Variants in PRSS48 observed in about 807,000 individuals in gnomAD.
PRSS48 encodes serine protease 48.
PRSS48 carries 21 observed loss-of-function variants against 25.6 expected under a neutral mutation model. The observed-to-expected ratio is 0.82, with a 90% CI of 0.58 to 1.18. The LOEUF (loss-of-function observed/expected upper bound fraction) is 1.18. PRSS48 is among the 50% of genes most tolerant of loss of function. The pLI is 0.00. For missense variants in PRSS48, 373 were observed against 399.3 expected (o/e 0.93, Z 0.56); for synonymous variants, 150 against 149.3 (o/e 1.00, Z -0.04).
At chr4:151,291,486 C>T (rs780893728), downstream of PRSS48, 3 of 1,398,348 alleles carry the variant, frequency 2.1e-6, no homozygotes, top group Admixed American at 2.4e-5. Flanking sequence ...CCCTGGGTGA[C>T]TTTATTTACA....
At chr4:151,283,063 G>A (rs2089625593) in intron 3 of PRSS48, 54 bp from the exon 4 acceptor site, 1 of 1,551,498 alleles carries the variant, frequency 6.4e-7, no homozygotes. Flanking sequence ...ACTGAATGCT[G>A]CCCCTGCACT....
intron 3 of PRSS48, 37 bp downstream of exon 3, chr4:151,282,450 C>G: frequency 6.2e-7 from 1 of 1,607,080 alleles, no homozygotes; most frequent in Middle Eastern, 1.7e-4. Flanking sequence ...TTTCATATGT[C>G]ATCCTCTTGT....
At chr4:151,281,033 A>C in intron 2 of PRSS48, among the ~76,000 whole-genome samples, 1 of 152,210 alleles carries the variant, frequency 6.6e-6, no homozygotes. Flanking sequence ...ACAGGAAAAC[A>C]CAGGATCCAG....
exon 2 of PRSS48, chr4:151,279,797 G>A (rs1016423290): frequency 6.2e-7 from 1 of 1,613,860 alleles, no homozygotes; most frequent in Non-Finnish European, 8.5e-7. Context: ...TTTCTCTAGT[G>A]TGTGGGCAAC....
At chr4:151,278,534 A>G (rs1773875288) in intron 1 of PRSS48, among the ~76,000 whole-genome samples, 1 of 152,056 alleles carries the variant, frequency 6.6e-6, no homozygotes, top group Admixed American at 6.5e-5. Flanking sequence ...TGTCTCCAAC[A>G]TTCCTTTTTC....
Position 151,281,356 on chromosome 4 carries a change from A to C in PRSS48, c.216-792A>C, listed in dbSNP as rs140796637. Among the ~76,000 whole-genome samples the C allele has an allele frequency of 5.3e-5, 8 of 152,356 alleles. No homozygotes were observed. In the South Asian group the frequency reaches 1.0e-3, roughly 20 times the overall value. On this transcript the variant is annotated intron_variant, in intron 2 of 4. Transcript: ENST00000455694. ...GAAATGTAATCACCCAATAGGACCCAGTAGTGAACAATGTTTACATAGTCA... is the reference window on the plus strand; with the variant it reads ...GAAATGTAATCACCCAATAGGACCCCGTAGTGAACAATGTTTACATAGTCA...
intron 3 of PRSS48, 136 bp from the exon 4 acceptor site, chr4:151,282,981 A>G: frequency 2.9e-6 from 2 of 680,720 alleles, no homozygotes; most frequent in South Asian, 4.8e-5. Flanking sequence ...AGATCCACCC[A>G]TAAGCAAATA....
chr4:151,291,451 T>G (rs2407221), exon 5 of PRSS48: 1,482,264 of 1,598,984 alleles, frequency 0.93, 692,572 homozygotes, highest in Non-Finnish European at 0.97. Flanking sequence ...CAGGGGCAGA[T>G]AACTCACAGG....
rs968332195 is a variant in PRSS48, at chr4:151,278,679, G to A, written c.53-1117G>A. On this transcript the variant is annotated intron_variant, in intron 1 of 4. Transcript: ENST00000455694. ...AGGGTCTCACTCTCTCGCCCAGGCT[G>A]GAGTGCAGTGGCATGATCTAAACTC... 2.6e-5 allele frequency among the ~76,000 whole-genome samples: 4 copies of A among 151,614 alleles called. No individual in the cohort carries two copies. The East Asian group carries it at 5.9e-4, about 22-fold the overall frequency.
At chr4:151,279,496 G>T (rs1042865329) in intron 1 of PRSS48, among the ~76,000 whole-genome samples, 1 of 152,152 alleles carries the variant, frequency 6.6e-6, no homozygotes, top group Non-Finnish European at 1.5e-5. Flanking sequence ...AAATATAAAG[G>T]AAGGTTCTCT....
At chr4:151,285,762 G>C (rs896156134) in intron 4 of PRSS48, among the ~76,000 whole-genome samples, 4 of 152,052 alleles carry the variant, frequency 2.6e-5, no homozygotes, top group African/African-American at 9.7e-5. Flanking sequence ...AGCTACTTAG[G>C]AGACTGGGGC....
rs201333059 is a variant in PRSS48 at position 151,279,859 on chromosome 4, G to A, written c.116G>A (p.Trp39Ter). ...GGCCAGGATGCTGCTGCAGGGCGCT[G>A]GCCTTGGCAGGTCAGCCTACACTTT... The change falls in exon 2 of 5, where the codon TGG becomes TAG. Residue 39 changes from tryptophan to a stop codon, truncating the protein, a stop_gained. Coordinates refer to ENST00000455694, the Ensembl canonical transcript of PRSS48. LOFTEE classifies it high-confidence loss of function. The A allele has an allele frequency of 2.2e-5, 34 of 1,551,120 alleles. No individual in the cohort carries two copies. The highest frequency in any genetic ancestry group is 2.8e-5 in the Non-Finnish European group (31 of 1,126,122).
In PRSS48 at chr4:151,280,041, G is replaced by C. The variant is rs549384070; in HGVS notation, c.215+83G>C. 8.9e-6 allele frequency: 7 copies of C among 783,118 alleles called. 1 individual carries two copies. The South Asian group carries it at 1.1e-4, about 13-fold the overall frequency. 48.5% of individuals were successfully genotyped at this position (783,118 alleles called of 1,614,324 possible). On this transcript the variant is annotated intron_variant, in intron 2 of 4. Transcript: ENST00000455694. ...TTCATGAATGAACCAAAAGACAAAT[G>C]AAAGTGGTAAAATAGGCAGGGCGGA...
At chr4:151,279,086 A>G in intron 1 of PRSS48, 1 of 417,140 alleles carries the variant, frequency 2.4e-6, no homozygotes, top group Admixed American at 2.8e-5. Flanking sequence ...GGGAACATCC[A>G]CAGATAAAGC....
At chr4:151,287,341 CAAAA>C (rs34944826) in intron 4 of PRSS48, among the ~76,000 whole-genome samples, 1 of 82,366 alleles carries the variant, frequency 1.2e-5, no homozygotes, top group Non-Finnish European at 2.5e-5. Context: ...ACTCTGTCTC[CAAAA>C]AAAAAAAAAA....
In PRSS48 at chr4:151,282,298, TC is replaced by T; in HGVS notation, c.367del (p.Gln123LysfsTer28). 1 of 1,613,952 alleles carries T rather than the reference TC, an allele frequency of 6.2e-7. No individual in the cohort carries two copies. Among genetic ancestry groups the T allele is most frequent in the Non-Finnish European group, 8.5e-7 (1 of 1,179,888 alleles). ...ACGTCGCCTTGTTGAAACTGTCCTC[TC>T]AAGTCACCTTCACTTCTGCCATCCT... On this transcript the variant is annotated frameshift_variant, in exon 3 of 5. Transcript: ENST00000455694. LOFTEE classifies it high-confidence loss of function.
chr4:151,288,677 A>G (rs991680566), intron 4 of PRSS48, among the ~76,000 whole-genome samples: 9 of 152,184 alleles, frequency 5.9e-5, no homozygotes, highest in African/African-American at 2.2e-4. Context: ...CTGTCTTAAA[A>G]AAAAAAGAAA....
exon 1 of PRSS48, chr4:151,277,200 C>A: frequency 6.7e-7 from 1 of 1,501,542 alleles, no homozygotes; most frequent in East Asian, 2.5e-5. Flanking sequence ...TGCCTTCACG[C>A]TGCTCCTTCT....
intron 4 of PRSS48, among the ~76,000 whole-genome samples, chr4:151,289,918 T>G (rs981036534): frequency 6.6e-6 from 1 of 152,096 alleles, no homozygotes. Flanking sequence ...CATCTCTAAA[T>G]AAACAAAGAA....
Sources: gnomAD v4.1 joint callset for allele counts (sites outside exome capture counted in the v4.1 genomes callset) on GRCh38, gnomAD v4.1.1 for gene constraint, MANE v1.5 for transcripts, NCBI Gene and HGNC (gene_info 2026-07-23, HGNC 2026-07-21) for gene names.